FSTL4: variants seen among roughly 807,000 people sequenced by gnomAD.
FSTL4 encodes the protein follistatin-related protein 4.
FSTL4 carries 28 observed loss-of-function variants against 78.2 expected under a neutral mutation model. The observed-to-expected ratio is 0.36, with a 90% CI of 0.27 to 0.49. The LOEUF (loss-of-function observed/expected upper bound fraction) is 0.49, where lower values mean the gene tolerates loss of function less well. Among genes scored for constraint, FSTL4 ranks in the 20% least tolerant of loss-of-function variants. The pLI is 0.98. For missense variants in FSTL4, 922 were observed against 1,084.9 expected (o/e 0.85, Z 2.11); for synonymous variants, 422 against 440.5 (o/e 0.96, Z 0.53).
intron 3 of FSTL4, among the ~76,000 whole-genome samples, chr5:133,410,094 C>T (rs1218290732): frequency 1.3e-5 from 2 of 152,144 alleles, no homozygotes; most frequent in African/African-American, 2.4e-5. Context: ...TTATCTCAAC[C>T]GGCTTTTGAA....
At chr5:133,290,326 C>T (rs1449219337) in intron 6 of FSTL4, among the ~76,000 whole-genome samples, 1 of 152,250 alleles carries the variant, frequency 6.6e-6, no homozygotes, top group Non-Finnish European at 1.5e-5. Flanking sequence ...TGCACCTCTG[C>T]TGATGCCCTC....
At chr5:133,742,183 A>T in the FSTL4 span, among the ~76,000 whole-genome samples, 2 of 152,200 alleles carry the variant, frequency 1.3e-5, no homozygotes, top group Non-Finnish European at 2.9e-5. Context: ...ATAGTCAATC[A>T]TCCTGATGGT....
the FSTL4 span, among the ~76,000 whole-genome samples, chr5:133,692,414 C>T: frequency 3.9e-5 from 6 of 152,264 alleles, no homozygotes; most frequent in African/African-American, 9.6e-5. Context: ...CTCTCCCTCA[C>T]GAAGATCCCT....
At chr5:133,655,478 G>A in the FSTL4 span, among the ~76,000 whole-genome samples, 1 of 152,184 alleles carries the variant, frequency 6.6e-6, no homozygotes, top group African/African-American at 2.4e-5. Context: ...ACAGAGAGGA[G>A]AATCTTTAAG....
intron 14 of FSTL4, among the ~76,000 whole-genome samples, chr5:133,208,107 C>A (rs539459523): frequency 6.6e-6 from 1 of 152,322 alleles, no homozygotes; most frequent in South Asian, 2.1e-4. Flanking sequence ...TTTAGATCTT[C>A]CTCTCCTGGT....
intron 4 of FSTL4, among the ~76,000 whole-genome samples, chr5:133,357,054 T>C (rs572082959): frequency 3.9e-4 from 60 of 152,322 alleles, no homozygotes; most frequent in Non-Finnish European, 7.9e-4. Flanking sequence ...GGCACAAGTG[T>C]GGAGCTGGGG....
chr5:133,219,598 G>C (rs923110895), intron 12 of FSTL4, among the ~76,000 whole-genome samples: 3 of 152,214 alleles, frequency 2.0e-5, no homozygotes, highest in Non-Finnish European at 2.9e-5. Context: ...TTGTCCCATT[G>C]TAATTCTCGT....
the FSTL4 span, among the ~76,000 whole-genome samples, chr5:133,645,514 A>G: frequency 1.3e-5 from 2 of 152,054 alleles, no homozygotes; most frequent in Non-Finnish European, 2.9e-5. Flanking sequence ...GTTCTTTGAG[A>G]ACTGACTAGG....
chr5:133,702,813 C>T, the FSTL4 span, among the ~76,000 whole-genome samples: 1 of 152,186 alleles, frequency 6.6e-6, no homozygotes, highest in Non-Finnish European at 1.5e-5. Context: ...CAGGGCTGTT[C>T]GTACGCAGAG....
chr5:133,645,616 T>C, the FSTL4 span, among the ~76,000 whole-genome samples: 1 of 152,108 alleles, frequency 6.6e-6, no homozygotes, highest in African/African-American at 2.4e-5. Context: ...GGGATGCTGC[T>C]TTTATGGACA....
rs139559097 is a variant in FSTL4 at position 133,309,201 on chromosome 5, G to T, written c.727+3453C>A. On this transcript the variant is annotated intron_variant, in intron 6 of 15. Coordinates refer to ENST00000265342, the MANE Select transcript of FSTL4 (RefSeq NM_015082.2). ...CCCTGGAGCCTGGGTCTCTGCCATG[G>T]CAGGGACAGGTGGCACTACTCCTTG... 3.1e-3 allele frequency among the ~76,000 whole-genome samples: 471 copies of T among 152,128 alleles called. 6 individuals are homozygous for T. Among genetic ancestry groups the T allele is most frequent in the African/African-American group, 0.011 (456 of 41,500 alleles).
intron 8 of FSTL4, among the ~76,000 whole-genome samples, chr5:133,232,337 C>T (rs1434506291): frequency 6.6e-6 from 1 of 152,174 alleles, no homozygotes; most frequent in Admixed American, 6.5e-5. Flanking sequence ...GAATCTTGAC[C>T]CCACTGCTGG....
At chr5:133,651,302 T>C in the FSTL4 span, among the ~76,000 whole-genome samples, 1 of 152,200 alleles carries the variant, frequency 6.6e-6, no homozygotes, top group Non-Finnish European at 1.5e-5. Flanking sequence ...GGGACATCCT[T>C]GCCTTGTTTA....
the FSTL4 span, among the ~76,000 whole-genome samples, chr5:133,621,409 C>CA: frequency 4.6e-5 from 7 of 151,888 alleles, no homozygotes; most frequent in African/African-American, 1.7e-4. Flanking sequence ...CAAAAAAACA[C>CA]AAAAAACAAA....
chr5:133,394,617 G>A (rs1015017605), intron 4 of FSTL4, among the ~76,000 whole-genome samples: 49 of 152,212 alleles, frequency 3.2e-4, no homozygotes, highest in Non-Finnish European at 4.4e-4. Flanking sequence ...CCTGCAGCCC[G>A]CCATGCCTGA....
At chr5:133,777,427 C>T in the FSTL4 span, among the ~76,000 whole-genome samples, 1 of 151,666 alleles carries the variant, frequency 6.6e-6, no homozygotes, top group Admixed American at 6.6e-5. Flanking sequence ...TAACAGATAT[C>T]AATTAACTTA....
the FSTL4 span, among the ~76,000 whole-genome samples, chr5:133,762,173 T>G: frequency 1.3e-4 from 20 of 152,254 alleles, no homozygotes; most frequent in Non-Finnish European, 2.5e-4. Context: ...AACCTAAATC[T>G]TCAGGTTGGA....
the FSTL4 span, among the ~76,000 whole-genome samples, chr5:133,719,641 C>G: frequency 6.8e-6 from 1 of 146,104 alleles, no homozygotes; most frequent in South Asian, 2.2e-4. Context: ...CCATTGCACT[C>G]CAGCCTGGGC....
chr5:133,337,324 G>C (rs940657559), intron 4 of FSTL4, among the ~76,000 whole-genome samples: 7 of 152,034 alleles, frequency 4.6e-5, no homozygotes, highest in Non-Finnish European at 1.5e-5. Context: ...GAAGCGGGCT[G>C]TTAAGCGTCC....
Sources: allele counts gnomAD v4.1 joint callset (sites outside exome capture counted in the v4.1 genomes callset), GRCh38; gene constraint gnomAD v4.1.1; transcripts MANE v1.5; gene names NCBI Gene and HGNC (gene_info 2026-07-23, HGNC 2026-07-21).